Variants in CCSER1 observed in about 807,000 individuals in gnomAD.
CCSER1 encodes coiled-coil serine rich protein 1.
A neutral mutation model predicts 82.0 loss-of-function variants in CCSER1; 41 were observed. The observed-to-expected ratio is 0.50, with a 90% CI of 0.39 to 0.65. The LOEUF (loss-of-function observed/expected upper bound fraction) is 0.65, where lower values mean the gene tolerates loss of function less well. Ranked by LOEUF, CCSER1 falls within the 30% of genes least tolerant of loss-of-function variation. The pLI, the probability that CCSER1 is intolerant of heterozygous loss-of-function variation, is 0.00. For missense variants in CCSER1, 1,119 were observed against 1,064.2 expected (o/e 1.05, Z -0.72); for synonymous variants, 414 against 383.9 (o/e 1.08, Z -0.92).
chr4:91,145,032 G>C (rs1211895432), intron 10 of CCSER1, among the ~76,000 whole-genome samples: 3 of 152,072 alleles, frequency 2.0e-5, no homozygotes, highest in Admixed American at 1.3e-4. Flanking sequence ...CTGCCTTGAT[G>C]ATCTGTCTAA....
At chr4:91,040,550 A>G (rs1380346488) in intron 9 of CCSER1, among the ~76,000 whole-genome samples, 2 of 152,198 alleles carry the variant, frequency 1.3e-5, no homozygotes, top group Non-Finnish European at 2.9e-5. Flanking sequence ...AAGGCATCCT[A>G]TGTAGAAGGG....
intron 1 of CCSER1, among the ~76,000 whole-genome samples, chr4:90,228,133 G>GGCCT (rs1326693552): frequency 6.6e-6 from 1 of 152,014 alleles, no homozygotes; most frequent in Non-Finnish European, 1.5e-5. Context: ...AGCTCAAGGA[G>GGCCT]GCCTGCCTGC....
At chr4:90,431,248 T>A (rs1758235733) in intron 4 of CCSER1, among the ~76,000 whole-genome samples, 1 of 152,080 alleles carries the variant, frequency 6.6e-6, no homozygotes, top group African/African-American at 2.4e-5. Context: ...TGGAGAAAAG[T>A]TAGCCTTTAC....
chr4:91,511,104 A>T (rs1479672188), intron 10 of CCSER1, among the ~76,000 whole-genome samples: 2 of 150,018 alleles, frequency 1.3e-5, no homozygotes, highest in East Asian at 1.9e-4. Flanking sequence ...ACTTTGCTTA[A>T]TTTTTTTTTT....
intron 4 of CCSER1, among the ~76,000 whole-genome samples, chr4:90,463,543 G>A (rs571985122): frequency 1.3e-5 from 2 of 152,222 alleles, no homozygotes; most frequent in East Asian, 3.9e-4. Context: ...GTTAAATAAT[G>A]TATTCTTTTG....
chr4:91,499,579 A>G (rs1014758786), intron 10 of CCSER1, among the ~76,000 whole-genome samples: 28 of 151,974 alleles, frequency 1.8e-4, no homozygotes, highest in African/African-American at 6.5e-4. Flanking sequence ...CCATTTTAAT[A>G]TCATACAGAA....
chr4:90,664,307 T>A lies in CCSER1; in HGVS notation c.1932+36075T>A, dbSNP rs1448488076. Among the ~76,000 whole-genome samples, 3 of 152,326 alleles carry A rather than the reference T, an allele frequency of 2.0e-5. No homozygotes were observed. The East Asian group carries it at 5.8e-4, about 29-fold the overall frequency. ...CAAAATGGGACTTAATGTAATGATA[T>A]AATTTTGTGATTTGTGTGTCTCCTT... On this transcript the variant is annotated intron_variant, in intron 6 of 10. Coordinates refer to ENST00000509176, the MANE Select transcript of CCSER1 (RefSeq NM_001145065.2).
At chr4:91,507,992 C>CTATA (rs749844066) in intron 10 of CCSER1, among the ~76,000 whole-genome samples, 7 of 95,692 alleles carry the variant, frequency 7.3e-5, no homozygotes, top group Non-Finnish European at 1.1e-4. Flanking sequence ...TTAGGATTTT[C>CTATA]TATATATATA....
intron 6 of CCSER1, among the ~76,000 whole-genome samples, chr4:90,687,815 A>G (rs1043762909): frequency 4.6e-5 from 7 of 152,170 alleles, no homozygotes; most frequent in South Asian, 2.1e-4. Context: ...CATATACTTC[A>G]TAATTGATGG....
chr4:90,447,550 GTTGT>G (rs996457600), intron 4 of CCSER1, among the ~76,000 whole-genome samples: 1 of 152,142 alleles, frequency 6.6e-6, no homozygotes, highest in Admixed American at 6.5e-5. Flanking sequence ...AATAAATTGT[GTTGT>G]TTATTTAATT....
intron 8 of CCSER1, among the ~76,000 whole-genome samples, chr4:90,912,865 A>G (rs1359212709): frequency 6.6e-6 from 1 of 152,236 alleles, no homozygotes; most frequent in Non-Finnish European, 1.5e-5. Context: ...AGCTGATTCG[A>G]TCAACTGGAA....
At chr4:90,362,607 GAA>G (rs1561097705) in intron 3 of CCSER1, among the ~76,000 whole-genome samples, 1 of 152,102 alleles carries the variant, frequency 6.6e-6, no homozygotes, top group East Asian at 1.9e-4. Flanking sequence ...AAATTAGTTA[GAA>G]AAGAGTCCTA....
At chr4:90,235,728 A>G (rs922349674) in intron 1 of CCSER1, among the ~76,000 whole-genome samples, 1 of 152,172 alleles carries the variant, frequency 6.6e-6, no homozygotes, top group African/African-American at 2.4e-5. Flanking sequence ...CTAGAGTTCA[A>G]AAATTCAGGT....
chr4:90,643,973 G>A (rs111867931), intron 6 of CCSER1, among the ~76,000 whole-genome samples: 55 of 152,010 alleles, frequency 3.6e-4, no homozygotes, highest in African/African-American at 1.3e-3. Flanking sequence ...TTGATTGCTG[G>A]CTTGATAGTA....
At chr4:90,367,349 A>G (rs1746453690) in intron 3 of CCSER1, among the ~76,000 whole-genome samples, 1 of 151,858 alleles carries the variant, frequency 6.6e-6, no homozygotes, top group Non-Finnish European at 1.5e-5. Context: ...CAATAACTTA[A>G]AGTTTCTGTG....
Position 91,394,853 on chromosome 4 carries a change from T to C in CCSER1, c.2218-203719T>C, listed in dbSNP as rs17018437. ...AGAAAAAGAATTTGCTATCCCACTGTTTTTTTTTTGAAAATTAAACTCTGA... is the reference window on the plus strand; with the variant it reads ...AGAAAAAGAATTTGCTATCCCACTGCTTTTTTTTTGAAAATTAAACTCTGA... On this transcript the variant is annotated intron_variant, in intron 10 of 10. Transcript: ENST00000509176. Among the ~76,000 whole-genome samples the C allele has an allele frequency of 1.3e-3, 174 of 138,374 alleles. 1 individual carries two copies. The highest frequency in any genetic ancestry group is 4.9e-3 in the African/African-American group (154 of 31,638). 90.8% of individuals were successfully genotyped at this position (138,374 alleles called of 152,430 possible).
chr4:90,717,193 G>C (rs1741784326), intron 6 of CCSER1, among the ~76,000 whole-genome samples: 2 of 152,042 alleles, frequency 1.3e-5, no homozygotes, highest in Non-Finnish European at 1.5e-5. Flanking sequence ...TTGATTATAT[G>C]CTCACATCTA....
intron 9 of CCSER1, among the ~76,000 whole-genome samples, chr4:90,997,528 C>G (rs58200182): frequency 0.29 from 44,719 of 151,978 alleles, 7,091 homozygotes; most frequent in Middle Eastern, 0.35. Context: ...GCATAGACAT[C>G]TTTATTTGGG....
chr4:91,216,700 C>T (rs1301175150), intron 10 of CCSER1, among the ~76,000 whole-genome samples: 1 of 152,124 alleles, frequency 6.6e-6, no homozygotes, highest in Admixed American at 6.5e-5. Flanking sequence ...ACATACTTTC[C>T]TATATTATTT....
Sources: allele counts gnomAD v4.1 joint callset (sites outside exome capture counted in the v4.1 genomes callset), GRCh38; gene constraint gnomAD v4.1.1; transcripts MANE v1.5; gene names NCBI Gene and HGNC (gene_info 2026-07-23, HGNC 2026-07-21).